MCC: variants seen among roughly 807,000 people sequenced by gnomAD.
MCC encodes colorectal mutant cancer protein.
In MCC, 90 loss-of-function variants were observed where a neutral mutation model predicts 116.2. The observed-to-expected ratio is 0.77, with a 90% CI of 0.65 to 0.92. MCC has a LOEUF of 0.92. Ranked by LOEUF, MCC falls within the 40% of genes least tolerant of loss-of-function variation. The probability of loss-of-function intolerance (pLI) is 0.00; values close to 1 mark genes in which losing one functional copy is unlikely to be tolerated. For missense variants in MCC, 1,516 were observed against 1,312.2 expected (o/e 1.16, Z -2.40); for synonymous variants, 578 against 510.5 (o/e 1.13, Z -1.78).
chr5:113,243,726 T>A (rs1764469486), intron 3 of MCC, among the ~76,000 whole-genome samples: 1 of 152,176 alleles, frequency 6.6e-6, no homozygotes, highest in Non-Finnish European at 1.5e-5. Context: ...CTGAACGAAG[T>A]TAGCAACTCC....
intron 13 of MCC, among the ~76,000 whole-genome samples, chr5:113,066,803 C>A (rs534269842): frequency 1.7e-4 from 26 of 152,188 alleles, no homozygotes; most frequent in Non-Finnish European, 3.5e-4. Flanking sequence ...AAGCTCACAG[C>A]AGAAATCCAG....
intron 6 of MCC, among the ~76,000 whole-genome samples, chr5:113,119,448 C>T (rs544662653): frequency 1.3e-5 from 2 of 152,094 alleles, no homozygotes; most frequent in East Asian, 1.9e-4. Flanking sequence ...CACAGAGCCC[C>T]GGGCAGGAGA....
chr5:113,381,771 G>C (rs1769129328), intron 2 of MCC, among the ~76,000 whole-genome samples: 1 of 152,152 alleles, frequency 6.6e-6, no homozygotes, highest in Non-Finnish European at 1.5e-5. Context: ...CTGGGTGACA[G>C]AGTGAGATCC....
intron 3 of MCC, among the ~76,000 whole-genome samples, chr5:113,203,963 A>C (rs918790353): frequency 2.5e-4 from 38 of 152,206 alleles, no homozygotes; most frequent in Admixed American, 6.5e-5. Context: ...ATTTGAGGAG[A>C]GATGCCGGAC....
At chr5:113,364,238 G>GAAAAAAAAAAAAAAAAAAAAACAAAAAAA (rs1768626337) in intron 2 of MCC, among the ~76,000 whole-genome samples, 1 of 49,422 alleles carries the variant, frequency 2.0e-5, no homozygotes, top group Non-Finnish European at 3.6e-5. Flanking sequence ...CTCAAAAACA[G>GAAAAAAAAAAAAAAAAAAAAACAAAAAAA]AAAAAAAAAA....
At chr5:113,186,358 C>A (rs550494220) in intron 3 of MCC, among the ~76,000 whole-genome samples, 1 of 152,136 alleles carries the variant, frequency 6.6e-6, no homozygotes, top group Non-Finnish European at 1.5e-5. Context: ...CTCATTTGGG[C>A]CTGTTTTAAA....
At chr5:113,370,304 T>C (rs1468035823) in intron 2 of MCC, among the ~76,000 whole-genome samples, 1 of 152,192 alleles carries the variant, frequency 6.6e-6, no homozygotes, top group East Asian at 1.9e-4. Context: ...TTTTTCCCTT[T>C]GGACACTGAG....
intron 3 of MCC, among the ~76,000 whole-genome samples, chr5:113,267,075 C>T (rs1458048615): frequency 2.6e-5 from 4 of 152,172 alleles, no homozygotes; most frequent in African/African-American, 9.7e-5. Flanking sequence ...GCAATGATTG[C>T]ATTATTAAAC....
chr5:113,110,108 C>T (rs1426927184), intron 6 of MCC, among the ~76,000 whole-genome samples: 1 of 152,202 alleles, frequency 6.6e-6, no homozygotes, highest in African/African-American at 2.4e-5. Context: ...CGTGAGCTAC[C>T]TGTGCTGTGC....
chr5:113,379,473 C>T (rs1484928563), intron 2 of MCC, among the ~76,000 whole-genome samples: 1 of 152,178 alleles, frequency 6.6e-6, no homozygotes, highest in East Asian at 1.9e-4. Context: ...ACCGCTTTAT[C>T]TTGAGACATA....
chr5:113,173,125 CA>C (rs1431551824), intron 3 of MCC, among the ~76,000 whole-genome samples: 1 of 152,136 alleles, frequency 6.6e-6, no homozygotes, highest in African/African-American at 2.4e-5. Flanking sequence ...AGCATTTTAT[CA>C]CATCTGTATG....
chr5:113,294,363 T>A (rs756972404), intron 3 of MCC: 2 of 1,613,788 alleles, frequency 1.2e-6, no homozygotes, highest in Non-Finnish European at 1.7e-6. Flanking sequence ...GTTTCCATAT[T>A]TCATGGCAAC....
At chr5:113,075,119 C>A (rs1484823991) in intron 11 of MCC, among the ~76,000 whole-genome samples, 1 of 152,242 alleles carries the variant, frequency 6.6e-6, no homozygotes, top group African/African-American at 2.4e-5. Context: ...TCACCAGGCC[C>A]CGCACTTGGA....
At chr5:113,103,559 C>T (rs772604197) in intron 7 of MCC, among the ~76,000 whole-genome samples, 4 of 152,232 alleles carry the variant, frequency 2.6e-5, no homozygotes, top group Non-Finnish European at 4.4e-5. Context: ...CCTTGTGACA[C>T]CACAGTTCTT....
chr5:113,402,349 G>A (rs1769717449), intron 1 of MCC, among the ~76,000 whole-genome samples: 1 of 151,288 alleles, frequency 6.6e-6, no homozygotes, highest in Admixed American at 6.6e-5. Flanking sequence ...TGTAAAGATG[G>A]GGTCTTGCTA....
intron 1 of MCC, among the ~76,000 whole-genome samples, chr5:113,399,728 C>T (rs1404733744): frequency 6.6e-6 from 1 of 151,972 alleles, no homozygotes; most frequent in South Asian, 2.1e-4. Context: ...AATCACCATC[C>T]CCTTATGAAA....
intron 1 of MCC, among the ~76,000 whole-genome samples, chr5:113,454,533 G>C (rs928959538): frequency 2.0e-5 from 3 of 152,176 alleles, no homozygotes; most frequent in Non-Finnish European, 4.4e-5. Flanking sequence ...CCTAAGGGAG[G>C]CTAATTGGGC....
At chr5:113,082,728 C>G (rs1754942790) in intron 11 of MCC, 132 bp downstream of exon 11, 8 of 1,098,868 alleles carry the variant, frequency 7.3e-6, no homozygotes. Flanking sequence ...TAGGAACTTC[C>G]ATCCCCACCA....
At chr5:113,318,683 G>T (rs1767347441) in intron 3 of MCC, among the ~76,000 whole-genome samples, 1 of 152,070 alleles carries the variant, frequency 6.6e-6, no homozygotes, top group African/African-American at 2.4e-5. Flanking sequence ...CCTATGGGAG[G>T]GTGGAGGGTG....
Sources: gnomAD v4.1 joint callset for allele counts (sites outside exome capture counted in the v4.1 genomes callset) on GRCh38, gnomAD v4.1.1 for gene constraint, MANE v1.5 for transcripts, NCBI Gene and HGNC (gene_info 2026-07-23, HGNC 2026-07-21) for gene names.